Variants in VOPP1 observed in about 807,000 individuals in gnomAD.
The protein encoded by VOPP1 is WW domain binding protein VOPP1.
Under a neutral mutation model 23.5 loss-of-function variants are expected in VOPP1, and 8 were observed. The ratio of observed to expected loss-of-function variants is 0.34; its 90% CI spans 0.20 to 0.61. The LOEUF (loss-of-function observed/expected upper bound fraction) is 0.61. Among genes scored for constraint, VOPP1 ranks in the 20% least tolerant of loss-of-function variants. VOPP1 has a pLI of 0.78. For missense variants in VOPP1, 174 were observed against 238.1 expected (o/e 0.73, Z 1.77); for synonymous variants, 83 against 97.3 (o/e 0.85, Z 0.86).
intron 1 of VOPP1, among the ~76,000 whole-genome samples, chr7:55,525,730 TC>T (rs1453785445): frequency 7.6e-6 from 1 of 131,590 alleles, no homozygotes; most frequent in Admixed American, 9.0e-5. Flanking sequence ...AAATATGTAA[TC>T]CTTACATGTG....
intron 1 of VOPP1, 113 bp from the exon 2 acceptor site, chr7:55,521,243 G>A (rs1418176957): frequency 8.9e-7 from 1 of 1,117,918 alleles, no homozygotes; most frequent in Admixed American, 2.4e-5. Flanking sequence ...CCCATGAAAA[G>A]CTGGGATATC....
chr7:55,479,370 G>A (rs1279612213), intron 4 of VOPP1, among the ~76,000 whole-genome samples: 1 of 148,894 alleles, frequency 6.7e-6, no homozygotes, highest in East Asian at 2.0e-4. Flanking sequence ...GTGTTCCAGA[G>A]AACATTTTCA....
intron 1 of VOPP1, among the ~76,000 whole-genome samples, chr7:55,570,063 G>T (rs1798297470): frequency 6.6e-6 from 1 of 152,124 alleles, no homozygotes; most frequent in South Asian, 2.1e-4. Context: ...ATAGCTCCCT[G>T]GGTTGCTTTT....
At chr7:55,550,715 C>T (rs1201589366) in intron 1 of VOPP1, among the ~76,000 whole-genome samples, 2 of 151,978 alleles carry the variant, frequency 1.3e-5, no homozygotes, top group East Asian at 1.9e-4. Context: ...TAATTTTTAA[C>T]GGAATGGAAA....
At chr7:55,493,715 C>T (rs893707798) in intron 3 of VOPP1, among the ~76,000 whole-genome samples, 3 of 152,188 alleles carry the variant, frequency 2.0e-5, no homozygotes, top group African/African-American at 7.2e-5. Flanking sequence ...CCCGCCAACA[C>T]TGAGCTTACA....
intron 4 of VOPP1, among the ~76,000 whole-genome samples, 188 bp downstream of exon 4, chr7:55,492,094 G>A (rs1176095441): frequency 1.3e-5 from 2 of 152,208 alleles, no homozygotes; most frequent in Non-Finnish European, 2.9e-5. Flanking sequence ...GAGGTGACGG[G>A]CGTGCGATAT....
rs996051860 is a variant in VOPP1 at position 55,572,330 on chromosome 7, C to T, written c.-6G>A. 4.8e-6 allele frequency: 7 copies of T among 1,454,362 alleles called. No individual in the cohort carries two copies. In the African/African-American group the frequency reaches 1.0e-4, roughly 21 times the overall value. The allele number at this position is 1,454,362 out of a possible 1,614,324, so 90.1% of individuals were successfully genotyped here. On this transcript the variant is annotated 5_prime_UTR_variant, in exon 1 of 5. Coordinates refer to ENST00000285279, the MANE Select transcript of VOPP1 (RefSeq NM_030796.5). ...TTCGCAGGCTGGCGCCTCATGGCTC[C>T]TCGCGTCCTCTCCAGCGCGCCCGGA... is the stretch of plus-strand genomic sequence containing the variant.
chr7:55,451,726 G>A (rs565305971), intron 4 of VOPP1, among the ~76,000 whole-genome samples: 7 of 152,254 alleles, frequency 4.6e-5, no homozygotes, highest in Non-Finnish European at 8.8e-5. Context: ...AGGAGGCAGA[G>A]ATTGCAGTGA....
rs1230015685 is a variant in VOPP1, at chr7:55,548,963, A to AG, written c.54+23307_54+23308insC. 2.8e-4 allele frequency among the ~76,000 whole-genome samples: 43 copies of AG among 152,306 alleles called. No individual in the cohort carries two copies. In the East Asian group the frequency reaches 6.4e-3, roughly 23 times the overall value. On this transcript the variant is annotated intron_variant, in intron 1 of 4. Transcript: ENST00000285279. ...TTATATCTAGGAAGAGCCCAGGGTG[A>AG]CCACAGTGAGACTGGCCATCTGGAG...
intron 2 of VOPP1, among the ~76,000 whole-genome samples, chr7:55,517,524 T>TC (rs1401304252): frequency 6.6e-6 from 1 of 152,134 alleles, no homozygotes; most frequent in Non-Finnish European, 1.5e-5. Flanking sequence ...CGCCAGCCTC[T>TC]CCTGCATCCC....
intron 1 of VOPP1, among the ~76,000 whole-genome samples, chr7:55,526,168 C>T (rs1346368491): frequency 2.6e-5 from 4 of 152,194 alleles, no homozygotes; most frequent in Non-Finnish European, 4.4e-5. Context: ...ACTATGAACA[C>T]GGCAGAGGGT....
At chr7:55,518,558 G>C (rs1388037488) in intron 2 of VOPP1, among the ~76,000 whole-genome samples, 1 of 152,154 alleles carries the variant, frequency 6.6e-6, no homozygotes, top group Non-Finnish European at 1.5e-5. Context: ...TGGGGACAGG[G>C]AACTGAGTCA....
intron 4 of VOPP1, among the ~76,000 whole-genome samples, chr7:55,481,767 G>A (rs1305987354): frequency 1.3e-5 from 2 of 152,176 alleles, no homozygotes; most frequent in Non-Finnish European, 2.9e-5. Flanking sequence ...CAGGGGACAC[G>A]AAGGAAGTAC....
At chr7:55,456,547 C>A (rs896504330) in intron 4 of VOPP1, among the ~76,000 whole-genome samples, 2 of 152,108 alleles carry the variant, frequency 1.3e-5, no homozygotes, top group Non-Finnish European at 2.9e-5. Context: ...TGGAATCAAC[C>A]CAAATGCCCA....
intron 4 of VOPP1, among the ~76,000 whole-genome samples, chr7:55,484,353 C>G (rs1010365294): frequency 6.6e-6 from 1 of 152,208 alleles, no homozygotes; most frequent in African/African-American, 2.4e-5. Context: ...CCTTCCACCC[C>G]CTTGCCAGTC....
intron 1 of VOPP1, among the ~76,000 whole-genome samples, chr7:55,533,484 T>C (rs999589697): frequency 6.6e-6 from 1 of 152,134 alleles, no homozygotes. Context: ...TGAGTCAGCC[T>C]CAGAGATGAC....
chr7:55,497,370 C>T (rs1000448069), intron 3 of VOPP1, among the ~76,000 whole-genome samples: 3 of 152,202 alleles, frequency 2.0e-5, no homozygotes, highest in African/African-American at 7.2e-5. Flanking sequence ...AGCCACCTTA[C>T]CAGAAGCAGA....
chr7:55,552,754 CA>C, intron 1 of VOPP1: 1 of 1,533,058 alleles, frequency 6.5e-7, no homozygotes, highest in South Asian at 1.2e-5. Context: ...ACACGGAGTT[CA>C]CGCAGAGAGG....
intron 2 of VOPP1, among the ~76,000 whole-genome samples, chr7:55,499,129 TGA>T (rs1442788133): frequency 1.3e-5 from 2 of 151,894 alleles, no homozygotes; most frequent in South Asian, 2.1e-4. Flanking sequence ...TGGCTCCCAC[TGA>T]GAGTTACCTA....
Sources: allele counts gnomAD v4.1 joint callset (sites outside exome capture counted in the v4.1 genomes callset), GRCh38; gene constraint gnomAD v4.1.1; transcripts MANE v1.5; gene names NCBI Gene and HGNC (gene_info 2026-07-23, HGNC 2026-07-21).